HRH2: variants seen among roughly 807,000 people sequenced by gnomAD.
HRH2 encodes the protein histamine receptor H2.
In HRH2, 4 loss-of-function variants were observed where a neutral mutation model predicts 20.1. The observed-to-expected ratio is 0.20, with a 90% CI of 0.10 to 0.45. The LOEUF (loss-of-function observed/expected upper bound fraction) is 0.45, where lower values mean the gene tolerates loss of function less well. Among genes scored for constraint, HRH2 ranks in the 20% least tolerant of loss-of-function variants. The pLI, the probability that HRH2 is intolerant of heterozygous loss-of-function variation, is 0.99. For missense variants in HRH2, 250 were observed against 461.6 expected, an observed-to-expected ratio of 0.54 and a Z score of 4.20; for synonymous variants, 197 against 200.7, an observed-to-expected ratio of 0.98 and a Z score of 0.16.
At chr5:175,695,560 T>C (rs192729679) in intron 2 of HRH2, among the ~76,000 whole-genome samples, 66 of 152,334 alleles carry the variant, frequency 4.3e-4, no homozygotes, top group African/African-American at 1.5e-3. Flanking sequence ...AGAAACGGAA[T>C]TTCTGGAAAC....
rs1757030971 is a variant in HRH2 at position 175,709,394 on chromosome 5, T to G, written c.*1423T>G. The stretch of plus-strand genomic sequence containing the variant: ...GCACGAGGTTTGGTTATGAAATCAC[T>G]CACAGATTTATAACTGCAGGCTTGG... On this transcript the variant is annotated 3_prime_UTR_variant, in exon 3 of 3. Coordinates refer to ENST00000636584, the MANE Select transcript of HRH2 (RefSeq NM_001367711.1). 2 of 152,306 alleles carry G rather than the reference T, an allele frequency of 1.3e-5. No individual in the cohort carries two copies. Among genetic ancestry groups the G allele is most frequent in the African/African-American group, 4.8e-5 (2 of 41,560 alleles). 9.4% of individuals were successfully genotyped at this position (152,306 alleles called of 1,614,324 possible).
In HRH2 at chr5:175,686,602, C is replaced by G. The variant is rs1756180993; in HGVS notation, c.1076+2293C>G. ...TGGTCAGATTCAGAGCCACACATGC[C>G]AAGGATTGAAGCCCAGATGGGGCTG... On this transcript the variant is annotated intron_variant, in intron 2 of 2. Coordinates refer to ENST00000636584, the MANE Select transcript of HRH2 (RefSeq NM_001367711.1). This position sits in a 1 kb window ranked among gnomAD's most constrained non-coding sequence, Gnocchi z 4.7. 6.6e-6 allele frequency among the ~76,000 whole-genome samples: 1 copy of G among 152,196 alleles called. No individual in the cohort carries two copies. Among genetic ancestry groups the G allele is most frequent in the Non-Finnish European group, 1.5e-5 (1 of 68,034 alleles).
intron 2 of HRH2, among the ~76,000 whole-genome samples, chr5:175,695,633 T>C (rs955521708): frequency 6.6e-6 from 1 of 152,248 alleles, no homozygotes; most frequent in Non-Finnish European, 1.5e-5. Flanking sequence ...CACTGTTTTC[T>C]AGACAGGCTG....
chr5:175,683,088 G>A lies in HRH2; in HGVS notation c.-146G>A. 1.3e-6 allele frequency: 1 copy of A among 799,800 alleles called. No homozygotes were observed. The highest frequency in any genetic ancestry group is 1.8e-6 in the Non-Finnish European group (1 of 547,370). 49.5% of individuals were successfully genotyped at this position (799,800 alleles called of 1,614,324 possible). On this transcript the variant is annotated 5_prime_UTR_variant, in exon 2 of 3. Coordinates refer to ENST00000636584, the MANE Select transcript of HRH2 (RefSeq NM_001367711.1). ...GTCATTGAAGCCTTCCCCACCCCCT[G>A]GCCAAAAAAAAAAAAAAAAAAAAAC...
intron 2 of HRH2, among the ~76,000 whole-genome samples, chr5:175,690,506 C>T (rs992759703): frequency 1.3e-5 from 2 of 152,136 alleles, no homozygotes; most frequent in Non-Finnish European, 2.9e-5. Context: ...TTTCATTCCT[C>T]ACCATCTATC....
At chr5:175,660,553 G>A (rs962411814) in intron 1 of HRH2, among the ~76,000 whole-genome samples, 3 of 152,196 alleles carry the variant, frequency 2.0e-5, no homozygotes, top group East Asian at 1.9e-4. Context: ...ATGGATGGTG[G>A]GGTTGTGGGA....
intron 2 of HRH2, among the ~76,000 whole-genome samples, chr5:175,706,808 G>T (rs756683833): frequency 7.2e-5 from 11 of 152,206 alleles, no homozygotes; most frequent in Non-Finnish European, 1.5e-5. Context: ...GCTTTACAAA[G>T]TCAGGCCTCC....
intron 1 of HRH2, among the ~76,000 whole-genome samples, chr5:175,667,362 T>C (rs1762932276): frequency 6.6e-6 from 1 of 152,052 alleles, no homozygotes; most frequent in Admixed American, 6.6e-5. Context: ...GAGAATCGCT[T>C]GAACCTGGGA....
rs1359671950 is a variant in HRH2 at position 175,709,995 on chromosome 5, G to A, written c.*2024G>A. On this transcript the variant is annotated 3_prime_UTR_variant, in exon 3 of 3. Transcript: ENST00000636584. ...TCACTCTGCCCATTCCATGCTCAAA[G>A]CTGTTTCCGTGAGGAAAGGCTCCTC... 1.3e-5 allele frequency: 2 copies of A among 152,350 alleles called. No homozygotes were observed. The highest frequency in any genetic ancestry group is 2.9e-5 in the Non-Finnish European group (2 of 68,154). The allele number at this position is 152,350 out of a possible 1,614,324, so 9.4% of individuals were successfully genotyped here.
intron 1 of HRH2, among the ~76,000 whole-genome samples, chr5:175,668,662 T>G (rs556613243): frequency 1.3e-5 from 2 of 152,084 alleles, no homozygotes; most frequent in African/African-American, 4.8e-5. Context: ...AGAGTCGCGG[T>G]GAGGGGCCGG....
In HRH2 at chr5:175,683,482, G is replaced by A. The variant is rs1369573202; in HGVS notation, c.249G>A (p.Lys83=). Residue 83 remains lysine, a synonymous_variant, in exon 2 of 3, where the codon AAG becomes AAA. Transcript: ENST00000636584. ...CTGCCATCTACCAGCTGTCCTGCAA[G>A]TGGAGCTTTGGCAAGGTCTTCTGCA... ...PFSAIYQLSC[K]WSFGKVFCNI... 4 of 1,614,092 alleles carry A rather than the reference G, an allele frequency of 2.5e-6. No individual in the cohort carries two copies. The highest frequency in any genetic ancestry group is 2.2e-5 in the South Asian group (2 of 91,088).
In HRH2 at chr5:175,694,372, C is replaced by T. The variant is rs540333872; in HGVS notation, c.1076+10063C>T. Among the ~76,000 whole-genome samples, 4 of 152,224 alleles carry T rather than the reference C, an allele frequency of 2.6e-5. No homozygotes were observed. In the South Asian group the frequency reaches 8.3e-4, roughly 32 times the overall value. On this transcript the variant is annotated intron_variant, in intron 2 of 2. Transcript: ENST00000636584. The stretch of plus-strand genomic sequence containing the variant: ...GTAAGTCCCCGGAGGCTGTCTGGCC[C>T]CAGTGGCATTCTCTGGGCCACTCCA...
At chr5:175,669,083 G>A (rs904923183) in intron 1 of HRH2, among the ~76,000 whole-genome samples, 7 of 152,056 alleles carry the variant, frequency 4.6e-5, no homozygotes, top group African/African-American at 1.4e-4. Context: ...GGGCCCAAGC[G>A]ATCCTCCTGC....
chr5:175,691,455 C>G (rs1756380367), intron 2 of HRH2: 1 of 151,930 alleles, frequency 6.6e-6, no homozygotes, highest in South Asian at 2.1e-4. Context: ...CTCCCCTGCC[C>G]TGCCCTTGCC....
In HRH2 at chr5:175,693,474, G is replaced by A. The variant is rs75124152; in HGVS notation, c.1076+9165G>A. ...GTAGCGAGGGCCTCACAGACGGGACGTCGCAGGTCCATGGAGGACACTCAG... is the reference window on the plus strand; with the variant it reads ...GTAGCGAGGGCCTCACAGACGGGACATCGCAGGTCCATGGAGGACACTCAG... On this transcript the variant is annotated intron_variant, in intron 2 of 2. Coordinates refer to ENST00000636584, the MANE Select transcript of HRH2 (RefSeq NM_001367711.1). The surrounding 1 kb of genome is among the most constrained non-coding windows in gnomAD (Gnocchi z 4.4). 5.1e-3 allele frequency among the ~76,000 whole-genome samples: 772 copies of A among 152,300 alleles called. 7 individuals carry two copies. The highest frequency in any genetic ancestry group is 7.1e-3 in the Non-Finnish European group (480 of 68,012).
rs35616765 is a variant in HRH2, at chr5:175,683,091, CAAAAAA to C, written c.-127_-122del. ...ATTGAAGCCTTCCCCACCCCCTGGC[CAAAAAA>C]AAAAAAAAAAAAAAACTGGACACAT... On this transcript the variant is annotated 5_prime_UTR_variant, in exon 2 of 3. Coordinates refer to ENST00000636584, the MANE Select transcript of HRH2 (RefSeq NM_001367711.1). 3.1e-4 allele frequency: 183 copies of C among 583,412 alleles called. No homozygotes were observed. The highest frequency in any genetic ancestry group is 6.7e-4 in the South Asian group (27 of 40,268). The allele number at this position is 583,412 out of a possible 1,614,324, so 36.1% of individuals were successfully genotyped here.
At chr5:175,696,583 G>A (rs560747939) in intron 2 of HRH2, among the ~76,000 whole-genome samples, 7 of 152,214 alleles carry the variant, frequency 4.6e-5, no homozygotes, top group Non-Finnish European at 1.0e-4. Context: ...GATGTTAAGG[G>A]CCTCCTCCAT....
At chr5:175,663,113 T>A (rs555364959) in intron 1 of HRH2, among the ~76,000 whole-genome samples, 4 of 152,256 alleles carry the variant, frequency 2.6e-5, no homozygotes, top group Admixed American at 6.5e-5. Flanking sequence ...TAATGAATAA[T>A]GTTGCTGTGA....
intron 2 of HRH2, among the ~76,000 whole-genome samples, chr5:175,691,635 C>T (rs1404789995): frequency 1.3e-5 from 2 of 152,130 alleles, no homozygotes; most frequent in Non-Finnish European, 2.9e-5. Context: ...GTAATACCGG[C>T]GCTTTGGGAG....
Sources: allele counts gnomAD v4.1 joint callset (sites outside exome capture counted in the v4.1 genomes callset), GRCh38; gene constraint gnomAD v4.1.1; non-coding constraint Gnocchi (gnomAD v3.1); transcripts MANE v1.5; gene names NCBI Gene and HGNC (gene_info 2026-07-23, HGNC 2026-07-21).